ZNF618: variants seen among roughly 807,000 people sequenced by gnomAD.
ZNF618 encodes neural precursor cell expressed, developmentally down-regulated 10.
In ZNF618, 34 loss-of-function variants were observed where a neutral mutation model predicts 103.0. That is an observed-to-expected ratio of 0.33 (90% CI 0.25 to 0.44). The LOEUF is 0.44. Among genes scored for constraint, ZNF618 ranks in the 20% least tolerant of loss-of-function variants. The pLI is 1.00. For missense variants in ZNF618, 1,059 were observed against 1,295.4 expected, an observed-to-expected ratio of 0.82 and a Z score of 2.80; for synonymous variants, 551 against 542.2, an observed-to-expected ratio of 1.02 and a Z score of -0.23.
intron 1 of ZNF618, among the ~76,000 whole-genome samples, chr9:113,894,084 A>T (rs529466405): frequency 2.0e-5 from 3 of 152,256 alleles, no homozygotes; most frequent in East Asian, 1.9e-4. Flanking sequence ...TCCTTGCATT[A>T]TTTTTTTATA....
intron 10 of ZNF618, among the ~76,000 whole-genome samples, chr9:114,025,668 C>T (rs1843434907): frequency 1.3e-5 from 2 of 152,114 alleles, no homozygotes; most frequent in African/African-American, 2.4e-5. Flanking sequence ...CAGCCCAACC[C>T]ACCCTGTGAC....
chr9:113,990,947 G>T (rs1016659612), intron 3 of ZNF618, among the ~76,000 whole-genome samples: 2 of 152,176 alleles, frequency 1.3e-5, no homozygotes, highest in African/African-American at 4.8e-5. Context: ...GTTAGTTAAT[G>T]GAGAAGACCT....
chr9:113,889,155 C>T (rs1829358891), intron 1 of ZNF618, among the ~76,000 whole-genome samples: 1 of 152,180 alleles, frequency 6.6e-6, no homozygotes, highest in Non-Finnish European at 1.5e-5. Context: ...AGGAATTTGG[C>T]AGTGGCTCAG....
chr9:114,037,660 C>G (rs911728824), intron 13 of ZNF618, among the ~76,000 whole-genome samples: 1 of 152,206 alleles, frequency 6.6e-6, no homozygotes, highest in Non-Finnish European at 1.5e-5. Flanking sequence ...CACATCATCT[C>G]CCAGGTCTGG....
chr9:113,911,978 G>C (rs1034137010), intron 1 of ZNF618, among the ~76,000 whole-genome samples: 3 of 152,168 alleles, frequency 2.0e-5, no homozygotes, highest in African/African-American at 7.2e-5. Flanking sequence ...CCTAGAACGC[G>C]AAGGAGGGCC....
intron 12 of ZNF618, among the ~76,000 whole-genome samples, chr9:114,035,614 T>C (rs79611289): frequency 6.0e-5 from 5 of 83,942 alleles, no homozygotes; most frequent in South Asian, 7.5e-4. Flanking sequence ...CTTCTGTCCT[T>C]CTCCCTCTTC....
chr9:113,939,292 T>TTTG (rs140858075), intron 1 of ZNF618, among the ~76,000 whole-genome samples: 24 of 152,090 alleles, frequency 1.6e-4, no homozygotes, highest in Middle Eastern at 3.4e-3. Flanking sequence ...TTGTTGTTTG[T>TTTG]TTGTTGTTGT....
At chr9:113,950,708 G>A (rs1340300035) in intron 1 of ZNF618, among the ~76,000 whole-genome samples, 1 of 152,174 alleles carries the variant, frequency 6.6e-6, no homozygotes, top group African/African-American at 2.4e-5. Context: ...ATTGAATGGT[G>A]GGACCGCTGG....
At chr9:113,909,337 G>A (rs952299644) in intron 1 of ZNF618, among the ~76,000 whole-genome samples, 34 of 152,112 alleles carry the variant, frequency 2.2e-4, no homozygotes, top group South Asian at 8.3e-4. Context: ...GTCCCCCTGG[G>A]TCTGGGTGGA....
intron 1 of ZNF618, among the ~76,000 whole-genome samples, chr9:113,878,901 G>A (rs1168690767): frequency 6.6e-6 from 1 of 151,936 alleles, no homozygotes; most frequent in Non-Finnish European, 1.5e-5. Flanking sequence ...AATGGCAGAG[G>A]TTTGACATTT....
intron 2 of ZNF618, among the ~76,000 whole-genome samples, chr9:113,980,609 T>G (rs139723293): frequency 8.9e-4 from 135 of 152,242 alleles, no homozygotes; most frequent in African/African-American, 3.2e-3. Context: ...CTCCATGAGA[T>G]CGCTTAGGAA....
intron 2 of ZNF618, among the ~76,000 whole-genome samples, chr9:113,980,378 C>T (rs1025910153): frequency 5.3e-5 from 8 of 151,662 alleles, no homozygotes; most frequent in African/African-American, 7.3e-5. Context: ...GTCTGGAGTT[C>T]GGTGGGGGGC....
chr9:114,035,130 A>G, intron 12 of ZNF618: 1 of 975,888 alleles, frequency 1.0e-6, no homozygotes, highest in Non-Finnish European at 1.2e-6. Context: ...AATAAAAATT[A>G]TGACTATCAG....
At chr9:113,995,637 C>A (rs185183717) in intron 3 of ZNF618, among the ~76,000 whole-genome samples, 1 of 152,300 alleles carries the variant, frequency 6.6e-6, no homozygotes, top group African/African-American at 2.4e-5. Flanking sequence ...CCAGAAATCA[C>A]ACAGGGGTCT....
chr9:113,881,485 G>A lies in ZNF618; in HGVS notation c.33+5072G>A, dbSNP rs1157477802. Among the ~76,000 whole-genome samples the A allele has an allele frequency of 2.0e-5, 3 of 152,254 alleles. No individual in the cohort carries two copies. In the East Asian group the frequency reaches 5.8e-4, roughly 29 times the overall value. On this transcript the variant is annotated intron_variant, in intron 1 of 14. Transcript: ENST00000374126. Reference sequence around the variant, plus strand: ...ATCCATAATACTATCCTTTCATCAAGCCATCCATATGAAAATTATTAATGT... The same window carrying A: ...ATCCATAATACTATCCTTTCATCAAACCATCCATATGAAAATTATTAATGT...
At chr9:113,951,457 ATACATATATGTG>A (rs1835656194) in intron 1 of ZNF618, among the ~76,000 whole-genome samples, 1 of 5,064 alleles carries the variant, frequency 2.0e-4, no homozygotes. Context: ...ATGTGTATAT[ATACATATATGTG>A]TGTATGTGTA....
chr9:113,971,899 C>T (rs946292590), intron 2 of ZNF618, among the ~76,000 whole-genome samples: 9 of 152,084 alleles, frequency 5.9e-5, no homozygotes, highest in South Asian at 2.1e-4. Flanking sequence ...ACTACCATGG[C>T]GCCGGAATAT....
chr9:113,950,577 G>A (rs1029026398), intron 1 of ZNF618, among the ~76,000 whole-genome samples: 4 of 152,148 alleles, frequency 2.6e-5, no homozygotes, highest in Admixed American at 6.5e-5. Context: ...GACGTCTTGC[G>A]CCACCTGCCT....
chr9:113,952,164 G>A (rs796799891), intron 1 of ZNF618, among the ~76,000 whole-genome samples: 100 of 152,268 alleles, frequency 6.6e-4, no homozygotes, highest in African/African-American at 2.4e-3. Context: ...GGGGAATAAA[G>A]GAAATGAAAT....
Sources: gnomAD v4.1 joint callset for allele counts (sites outside exome capture counted in the v4.1 genomes callset) on GRCh38, gnomAD v4.1.1 for gene constraint, MANE v1.5 for transcripts, NCBI Gene and HGNC (gene_info 2026-07-23, HGNC 2026-07-21) for gene names.